The following TBC1D22A variants were observed in gnomAD, a reference collection of about 807,000 sequenced individuals.
The protein encoded by TBC1D22A is putative GTPase activator.
TBC1D22A carries 38 observed loss-of-function variants against 60.2 expected under a neutral mutation model. The ratio of observed to expected loss-of-function variants is 0.63; its 90% CI spans 0.49 to 0.83. TBC1D22A has a LOEUF of 0.83. Ranked by LOEUF, TBC1D22A falls within the 40% of genes least tolerant of loss-of-function variation. The pLI is 0.00. For synonymous variants in TBC1D22A, 302 were observed against 281.7 expected, an observed-to-expected ratio of 1.07 and a Z score of -0.72; for missense variants, 628 against 701.0, an observed-to-expected ratio of 0.90 and a Z score of 1.18.
intron 11 of TBC1D22A, among the ~76,000 whole-genome samples, chr22:47,084,061 G>A (rs5769362): frequency 0.27 from 41,816 of 152,176 alleles, 6,304 homozygotes; most frequent in East Asian, 0.57. Context: ...TGGCTTCACC[G>A]GGGAGAGTTG....
intron 10 of TBC1D22A, among the ~76,000 whole-genome samples, chr22:47,027,417 T>C (rs1042110235): frequency 6.6e-6 from 1 of 152,196 alleles, no homozygotes; most frequent in African/African-American, 2.4e-5. Context: ...TGGTGAGATT[T>C]TGGTGTACCC....
In TBC1D22A at chr22:46,974,322, G is replaced by A. The variant is rs199657694; in HGVS notation, c.1048G>A (p.Gly350Ser). ...GGAGGTGGACACGGTGGACGTCTCC[G>A]GCGTGCCCGCAGAGGTGCTGTGCAA... is the stretch of plus-strand genomic sequence containing the variant. ...AEEVDTVDVS[G>S]VPAEVLCNIE... Residue 350 changes from glycine (G) to serine (S), a missense_variant, in exon 9 of 13, where the codon GGC becomes AGC. Physicochemically the swap from Gly to Ser is moderately conservative, Grantham distance 56 (BLOSUM62 0). Transcript: ENST00000337137. 224 of 1,604,506 alleles carry A rather than the reference G, an allele frequency of 1.4e-4. No individual in the cohort carries two copies. Among genetic ancestry groups the A allele is most frequent in the Middle Eastern group, 9.9e-4 (6 of 6,058 alleles).
chr22:47,090,854 G>A (rs375989418), intron 11 of TBC1D22A, among the ~76,000 whole-genome samples: 2 of 111,324 alleles, frequency 1.8e-5, no homozygotes, highest in Middle Eastern at 8.8e-3. Flanking sequence ...GTCGTCTTTG[G>A]GGGGAGTGGC....
chr22:46,841,024 T>A (rs1158952982), intron 4 of TBC1D22A, among the ~76,000 whole-genome samples: 1 of 149,156 alleles, frequency 6.7e-6, no homozygotes, highest in African/African-American at 2.5e-5. Flanking sequence ...TATTCACCGA[T>A]GAATGAATGA....
At chr22:46,769,860 G>A (rs559165117) in intron 1 of TBC1D22A, among the ~76,000 whole-genome samples, 1 of 152,198 alleles carries the variant, frequency 6.6e-6, no homozygotes, top group Admixed American at 6.5e-5. Flanking sequence ...GGAGAGGATC[G>A]GGCATGTTCA....
intron 2 of TBC1D22A, 176 bp downstream of exon 2, chr22:46,792,752 T>C (rs1294846512): frequency 6.7e-7 from 1 of 1,487,074 alleles, no homozygotes; most frequent in Non-Finnish European, 8.9e-7. Flanking sequence ...CACCCCGTGC[T>C]GCGCATCCCG....
intron 12 of TBC1D22A, among the ~76,000 whole-genome samples, chr22:47,122,540 C>A (rs2066305508): frequency 6.6e-6 from 1 of 152,188 alleles, no homozygotes; most frequent in Non-Finnish European, 1.5e-5. Context: ...GTGGTCTCAG[C>A]CCATGTATGG....
In TBC1D22A at chr22:46,934,294, G is replaced by A. The variant is rs553994239; in HGVS notation, c.1015+22106G>A. ...ATCAAAAGTGGAGACACTCAAGTGC[G>A]TAGCAGAAGGCACTGGGCTTTGGAG... On this transcript the variant is annotated intron_variant, in intron 8 of 12. Coordinates refer to ENST00000337137, the MANE Select transcript of TBC1D22A (RefSeq NM_014346.5). 3.2e-4 allele frequency among the ~76,000 whole-genome samples: 48 copies of A among 152,366 alleles called. No individual in the cohort carries two copies. The South Asian group carries it at 6.8e-3, about 22-fold the overall frequency.
chr22:46,946,602 G>T (rs2072559683), intron 8 of TBC1D22A, among the ~76,000 whole-genome samples: 1 of 152,224 alleles, frequency 6.6e-6, no homozygotes, highest in South Asian at 2.1e-4. Context: ...GGGCCTCTGG[G>T]ACTGTGCTTG....
intron 4 of TBC1D22A, among the ~76,000 whole-genome samples, chr22:46,847,293 T>C (rs2087045632): frequency 6.6e-6 from 1 of 152,180 alleles, no homozygotes; most frequent in African/African-American, 2.4e-5. Flanking sequence ...TGGCCTCAGG[T>C]GTCCTGGAGA....
chr22:46,774,869 CTGTGT>C (rs1263789125), intron 1 of TBC1D22A, among the ~76,000 whole-genome samples: 2 of 152,242 alleles, frequency 1.3e-5, no homozygotes, highest in Non-Finnish European at 2.9e-5. Flanking sequence ...CTCATGTGCG[CTGTGT>C]GCACCGGAGC....
intron 1 of TBC1D22A, among the ~76,000 whole-genome samples, chr22:46,765,838 T>A (rs1214572795): frequency 1.3e-5 from 2 of 150,510 alleles, no homozygotes; most frequent in Non-Finnish European, 3.0e-5. Flanking sequence ...TGGAGTGCAG[T>A]GGCATGATCT....
chr22:46,814,403 G>A (rs1043737054), intron 4 of TBC1D22A, among the ~76,000 whole-genome samples: 9 of 152,260 alleles, frequency 5.9e-5, no homozygotes, highest in African/African-American at 1.4e-4. Flanking sequence ...CAGAGCCAGG[G>A]CTCAAACTTA....
At chr22:47,044,209 A>G (rs1029997268) in intron 11 of TBC1D22A, among the ~76,000 whole-genome samples, 4 of 152,134 alleles carry the variant, frequency 2.6e-5, no homozygotes, top group Non-Finnish European at 5.9e-5. Context: ...GTGCCGTGCT[A>G]TCCTGAGAGC....
chr22:47,146,185 C>G (rs1432405256), intron 12 of TBC1D22A, among the ~76,000 whole-genome samples: 1 of 152,082 alleles, frequency 6.6e-6, no homozygotes, highest in African/African-American at 2.4e-5. Context: ...CGCGGGGACG[C>G]ACTGGATTGC....
chr22:47,158,471 T>TC (rs797001740), intron 12 of TBC1D22A, among the ~76,000 whole-genome samples: 36 of 151,210 alleles, frequency 2.4e-4, no homozygotes, highest in Middle Eastern at 3.4e-3. Flanking sequence ...AGGGGGCAGT[T>TC]CCCCCCCCAA....
intron 8 of TBC1D22A, among the ~76,000 whole-genome samples, chr22:46,948,945 G>T (rs2072725068): frequency 6.6e-6 from 1 of 152,232 alleles, no homozygotes; most frequent in South Asian, 2.1e-4. Context: ...CACACAGGTA[G>T]ATCAGCCTGC....
intron 12 of TBC1D22A, among the ~76,000 whole-genome samples, chr22:47,135,856 G>A (rs2066848300): frequency 6.6e-6 from 1 of 152,018 alleles, no homozygotes; most frequent in African/African-American, 2.4e-5. Flanking sequence ...GACACACGTG[G>A]TGAGGTCACT....
At chr22:46,957,550 A>G (rs2073267633) in intron 8 of TBC1D22A, among the ~76,000 whole-genome samples, 1 of 152,126 alleles carries the variant, frequency 6.6e-6, no homozygotes, top group Non-Finnish European at 1.5e-5. Context: ...CGATTCAATC[A>G]CCTCCCTCCC....
Sources: allele counts gnomAD v4.1 joint callset (sites outside exome capture counted in the v4.1 genomes callset), GRCh38; gene constraint gnomAD v4.1.1; transcripts MANE v1.5; gene names NCBI Gene and HGNC (gene_info 2026-07-23, HGNC 2026-07-21).